Variants in CACNA2D4 observed in about 807,000 individuals in gnomAD.
CACNA2D4 encodes voltage-dependent calcium channel subunit alpha-2/delta-4.
A neutral mutation model predicts 163.8 loss-of-function variants in CACNA2D4; 157 were observed. The observed-to-expected ratio is 0.96, with a 90% CI of 0.84 to 1.09. The LOEUF (loss-of-function observed/expected upper bound fraction) is 1.09. Ranked by LOEUF, CACNA2D4 falls within the 50% of genes least tolerant of loss-of-function variation. CACNA2D4 has a pLI of 0.00. For synonymous variants in CACNA2D4, 598 were observed against 586.9 expected (o/e 1.02, Z -0.27); for missense variants, 1,410 against 1,479.9 (o/e 0.95, Z 0.78).
At chr12:1,831,254 G>A in intron 26 of CACNA2D4, 3 of 1,613,742 alleles carry the variant, frequency 1.9e-6, no homozygotes, top group Non-Finnish European at 2.5e-6. Context: ...ACAGCATCAG[G>A]ACCCTGGACA....
chr12:1,890,492 C>T (rs1453259888), intron 6 of CACNA2D4, among the ~76,000 whole-genome samples: 1 of 152,216 alleles, frequency 6.6e-6, no homozygotes, highest in Non-Finnish European at 1.5e-5. Flanking sequence ...AAGACAAAAT[C>T]CTCCATGTAC....
intron 10 of CACNA2D4, 31 bp downstream of exon 10, chr12:1,884,956 C>G: frequency 6.2e-7 from 1 of 1,607,214 alleles, no homozygotes; most frequent in South Asian, 1.1e-5. Flanking sequence ...CCTCCCAGTC[C>G]TCCCCTCCCA....
chr12:1,879,736 G>T, intron 14 of CACNA2D4, 68 bp downstream of exon 14: 1 of 1,274,488 alleles, frequency 7.8e-7, no homozygotes, highest in Non-Finnish European at 1.1e-6. Flanking sequence ...AGAATCACTG[G>T]TCTAAAGATG....
intron 35 of CACNA2D4, 170 bp from the exon 36 acceptor site, chr12:1,795,950 G>A (rs968348266): frequency 1.6e-6 from 1 of 612,842 alleles, no homozygotes; most frequent in Admixed American, 2.8e-5. Flanking sequence ...AGATGGCTCA[G>A]TCCTACTGGC....
chr12:1,854,136 T>C (rs1865349700), intron 22 of CACNA2D4, 92 bp from the exon 23 acceptor site: 3 of 894,086 alleles, frequency 3.4e-6, no homozygotes, highest in Non-Finnish European at 5.0e-6. Flanking sequence ...GAAGATGTGC[T>C]TCCTGAACGT....
chr12:1,828,132 G>C lies in CACNA2D4; in HGVS notation c.2551+12607C>G. On this transcript the variant is annotated intron_variant, in intron 26 of 37. Coordinates refer to ENST00000382722, the MANE Select transcript of CACNA2D4 (RefSeq NM_172364.5). This position sits in a 1 kb window ranked among gnomAD's most constrained non-coding sequence, Gnocchi z 4.2. ...TCTCCCCAGAGCGACAGGGCCCGGA[G>C]AGCCGTGGGCCTCACCATGCTGGCG... The C allele has an allele frequency of 6.6e-7, 1 of 1,526,072 alleles. No homozygotes were observed. The highest frequency in any genetic ancestry group is 8.8e-7 in the Non-Finnish European group (1 of 1,134,666). 94.5% of individuals were successfully genotyped at this position (1,526,072 alleles called of 1,614,324 possible). A position where few individuals can be genotyped will look rare whatever the true frequency, so the allele number is the denominator to read the frequency against.
chr12:1,838,549 TCCAGCAC>T (rs1245995865), intron 26 of CACNA2D4, among the ~76,000 whole-genome samples: 1 of 152,208 alleles, frequency 6.6e-6, no homozygotes, highest in East Asian at 1.9e-4. Context: ...GTATCAGGTC[TCCAGCAC>T]CCCATTCTTT....
In CACNA2D4 at chr12:1,902,444, T is replaced by C. The variant is rs573052061; in HGVS notation, c.781+4996A>G. 3.9e-5 allele frequency among the ~76,000 whole-genome samples: 6 copies of C among 152,154 alleles called. No homozygotes were observed. The South Asian group carries it at 1.2e-3, about 32-fold the overall frequency. On this transcript the variant is annotated intron_variant, in intron 6 of 37. Coordinates refer to ENST00000382722, the MANE Select transcript of CACNA2D4 (RefSeq NM_172364.5). Reference sequence around the variant, plus strand: ...TCAAATTATCCTTATTTGCAGATAATATGATCTTATATTAGGAAAACCTAA... The same window carrying C: ...TCAAATTATCCTTATTTGCAGATAACATGATCTTATATTAGGAAAACCTAA...
rs1867020697 is a variant in CACNA2D4, at chr12:1,917,643, G to A, written c.227+604C>T. On this transcript the variant is annotated intron_variant, in intron 1 of 37. Coordinates refer to ENST00000382722, the MANE Select transcript of CACNA2D4 (RefSeq NM_172364.5). The surrounding 1 kb of genome is among the most constrained non-coding windows in gnomAD (Gnocchi z 4.3). ...CACCAAGGTGCACATGACTGATACC[G>A]GGTTCTTTCCTGGAGCCGGTCTTAA... 1.3e-5 allele frequency among the ~76,000 whole-genome samples: 2 copies of A among 152,178 alleles called. No individual in the cohort carries two copies. Among genetic ancestry groups the A allele is most frequent in the African/African-American group, 4.8e-5 (2 of 41,440 alleles).
rs186213622 is a variant in CACNA2D4 at position 1,917,067 on chromosome 12, G to T, written c.227+1180C>A. 1.3e-5 allele frequency among the ~76,000 whole-genome samples: 2 copies of T among 152,316 alleles called. No homozygotes were observed. Among genetic ancestry groups the T allele is most frequent in the African/African-American group, 4.8e-5 (2 of 41,550 alleles). On this transcript the variant is annotated intron_variant, in intron 1 of 37. Transcript: ENST00000382722. This position sits in a 1 kb window ranked among gnomAD's most constrained non-coding sequence, Gnocchi z 4.3. ...GTTCTGAACATCTCCTGCAGCAACA[G>T]ATAGCGTTACGGGCTGGCGGCGGGT...
Position 1,795,799 on chromosome 12 carries a change from G to GCCATCCTCGACTCCCTT in CACNA2D4, c.3114-20_3114-19insAAGGGAGTCGAGGATGG. 1.3e-6 allele frequency: 2 copies of GCCATCCTCGACTCCCTT among 1,498,052 alleles called. No homozygotes were observed. The highest frequency in any genetic ancestry group is 1.9e-6 in the Non-Finnish European group (2 of 1,074,132). The allele number at this position is 1,498,052 out of a possible 1,614,324, so 92.8% of individuals were successfully genotyped here. On this transcript the variant is annotated intron_variant, in intron 35 of 37. Transcript: ENST00000382722. ...AAATACCCTGCAGCAAAGAAAGGGAGTCGAGGATGGCTCCGTGGCGACCAC... is the reference window on the plus strand; with the variant it reads ...AAATACCCTGCAGCAAAGAAAGGGAGCCATCCTCGACTCCCTTTCGAGGATGGCTCCGTGGCGACCAC...
At chr12:1,822,298 A>T (rs1864137026) in intron 26 of CACNA2D4, among the ~76,000 whole-genome samples, 1 of 151,974 alleles carries the variant, frequency 6.6e-6, no homozygotes, top group African/African-American at 2.4e-5. Flanking sequence ...GCAGTGTAGG[A>T]AGGAGGAGGG....
At position 1,806,331 on chromosome 12, in the gene CACNA2D4, T is replaced by C. The variant is rs1863536167; in HGVS notation, c.2721+3947A>G. ...TTGCAATCTTGTCATCCATAACTCTTATAAGAATGAGCCCTGGCCTGGAAG... is the reference window on the plus strand; with the variant it reads ...TTGCAATCTTGTCATCCATAACTCTCATAAGAATGAGCCCTGGCCTGGAAG... On this transcript the variant is annotated intron_variant, in intron 29 of 37. Transcript: ENST00000382722. The surrounding 1 kb of genome is among the most constrained non-coding windows in gnomAD (Gnocchi z 4.1). Among the ~76,000 whole-genome samples the C allele has an allele frequency of 6.6e-6, 1 of 152,096 alleles. No homozygotes were observed. The highest frequency in any genetic ancestry group is 1.5e-5 in the Non-Finnish European group (1 of 68,012).
At chr12:1,850,877 G>A (rs1035877611) in intron 23 of CACNA2D4, among the ~76,000 whole-genome samples, 3 of 72,746 alleles carry the variant, frequency 4.1e-5, no homozygotes, top group African/African-American at 1.5e-4. Context: ...GCGAGACTCC[G>A]TCTCAAAAAA....
rs751314525 is a variant in CACNA2D4, at chr12:1,871,509, GGT to G, written c.1878+3093_1878+3094del. On this transcript the variant is annotated intron_variant, in intron 18 of 37. Coordinates refer to ENST00000382722, the MANE Select transcript of CACNA2D4 (RefSeq NM_172364.5). ...TGCATATGTACATGTGTGTGTTGCT[GGT>G]GTGTGTGTACATGTGTGCCACTGAT... Among the ~76,000 whole-genome samples the G allele has an allele frequency of 6.8e-4, 102 of 151,030 alleles. 1 individual carries two copies. In the South Asian group the frequency reaches 9.3e-3, roughly 14 times the overall value.
In CACNA2D4 at chr12:1,875,220, A is replaced by C; in HGVS notation, c.1806+31T>G. On this transcript the variant is annotated intron_variant, in intron 17 of 37. Transcript: ENST00000382722. This position sits in a 1 kb window ranked among gnomAD's most constrained non-coding sequence, Gnocchi z 4.0. ...ATTTAGTTGGATGTAGAGCCTAACTAGCTTCCCTTCCCCCTATTTTCCCCA... is the reference window on the plus strand; with the variant it reads ...ATTTAGTTGGATGTAGAGCCTAACTCGCTTCCCTTCCCCCTATTTTCCCCA... The C allele has an allele frequency of 2.0e-6, 3 of 1,498,314 alleles. No homozygotes were observed. The highest frequency in any genetic ancestry group is 2.8e-6 in the Non-Finnish European group (3 of 1,074,804). The allele number at this position is 1,498,314 out of a possible 1,614,324, so 92.8% of individuals were successfully genotyped here. A position where few individuals can be genotyped will look rare whatever the true frequency, so the allele number is the denominator to read the frequency against.
chr12:1,918,649 G>T lies in CACNA2D4; in HGVS notation c.-176C>A, dbSNP rs1252734727. The T allele has an allele frequency of 5.2e-6, 3 of 575,154 alleles. No homozygotes were observed. Among genetic ancestry groups the T allele is most frequent in the Non-Finnish European group, 9.2e-6 (3 of 325,294 alleles). The allele number at this position is 575,154 out of a possible 1,614,324, so 35.6% of individuals were successfully genotyped here. Reference sequence around the variant, plus strand: ...CTAGCAAGCAGGCCTCGGAGACAGGGACTGGGGGAGAGGCTGTGGCAACAT... The same window carrying T: ...CTAGCAAGCAGGCCTCGGAGACAGGTACTGGGGGAGAGGCTGTGGCAACAT... On this transcript the variant is annotated 5_prime_UTR_variant, in exon 1 of 38. Coordinates refer to ENST00000382722, the MANE Select transcript of CACNA2D4 (RefSeq NM_172364.5).
In CACNA2D4 at chr12:1,802,073, A is replaced by AT. The variant is rs1863355823; in HGVS notation, c.2722-430_2722-429insA. ...TGTGTGTGTGTGTTGGGTCAGATAT[A>AT]AAACACGTTTCTGCAGGTCAAGGTC... On this transcript the variant is annotated intron_variant, in intron 29 of 37. Transcript: ENST00000382722. This position sits in a 1 kb window ranked among gnomAD's most constrained non-coding sequence, Gnocchi z 4.7. 6.6e-6 allele frequency among the ~76,000 whole-genome samples: 1 copy of AT among 150,724 alleles called. No individual in the cohort carries two copies. Among genetic ancestry groups the AT allele is most frequent in the African/African-American group, 2.4e-5 (1 of 40,836 alleles).
chr12:1,839,286 G>A (rs1463491097), intron 26 of CACNA2D4, among the ~76,000 whole-genome samples: 6 of 152,240 alleles, frequency 3.9e-5, no homozygotes, highest in South Asian at 4.1e-4. Context: ...CTGTTGGATC[G>A]CGCAACTTTT....
Sources: allele counts gnomAD v4.1 joint callset (sites outside exome capture counted in the v4.1 genomes callset), GRCh38; gene constraint gnomAD v4.1.1; non-coding constraint Gnocchi (gnomAD v3.1); transcripts MANE v1.5; gene names NCBI Gene and HGNC (gene_info 2026-07-23, HGNC 2026-07-21).